MALRD1: variants seen among roughly 807,000 people sequenced by gnomAD.
MALRD1 encodes the protein MAM and LDL receptor class A domain containing 1, also known as MAM and LDL-receptor class A domain-containing protein 1.
Under a neutral mutation model 242.1 loss-of-function variants are expected in MALRD1, and 247 were observed. The observed-to-expected ratio is 1.02, with a 90% CI of 0.92 to 1.13. The LOEUF (loss-of-function observed/expected upper bound fraction) is 1.13. MALRD1 is among the 50% of genes most tolerant of loss of function. The pLI is 0.00. For missense variants in MALRD1, 2,989 were observed against 2,533.1 expected (o/e 1.18, Z -3.86); for synonymous variants, 995 against 866.6 (o/e 1.15, Z -2.60).
At chr10:19,144,721 A>G (rs1432799383) in intron 10 of MALRD1, among the ~76,000 whole-genome samples, 1 of 152,212 alleles carries the variant, frequency 6.6e-6, no homozygotes, top group Non-Finnish European at 1.5e-5. Flanking sequence ...GGTGTCAGAC[A>G]GGTTCAAAGT....
Position 19,348,463 on chromosome 10 carries a change from TTGAG to T in MALRD1, c.4149+447_4149+450del, listed in dbSNP as rs200877218. ...TAGTTAGAGCCACAAAAAAAAATTG[TTGAG>T]TAAGTCTTCATGAAAAACAAAACAA... On this transcript the variant is annotated intron_variant, in intron 25 of 39. Coordinates refer to ENST00000454679, the MANE Select transcript of MALRD1 (RefSeq NM_001142308.3). Among the ~76,000 whole-genome samples, 266 of 152,156 alleles carry T rather than the reference TTGAG, an allele frequency of 1.7e-3. 1 individual carries two copies. The highest frequency in any genetic ancestry group is 6.1e-3 in the African/African-American group (252 of 41,492).
intron 34 of MALRD1, among the ~76,000 whole-genome samples, chr10:19,597,006 A>C (rs577982439): frequency 1.3e-5 from 2 of 152,276 alleles, no homozygotes; most frequent in African/African-American, 4.8e-5. Flanking sequence ...ATGAAAGAAA[A>C]GAGAGATGAC....
intron 38 of MALRD1, among the ~76,000 whole-genome samples, chr10:19,712,348 C>A (rs529249972): frequency 6.6e-6 from 1 of 152,042 alleles, no homozygotes; most frequent in Non-Finnish European, 1.5e-5. Context: ...CAAGAAAATG[C>A]AGTTTTATTG....
intron 32 of MALRD1, among the ~76,000 whole-genome samples, chr10:19,551,847 T>A (rs1457845158): frequency 6.6e-6 from 1 of 152,150 alleles, no homozygotes; most frequent in African/African-American, 2.4e-5. Flanking sequence ...ATTGAGATAA[T>A]CATGTGGTTT....
At chr10:19,417,883 A>G (rs1031367745) in intron 28 of MALRD1, among the ~76,000 whole-genome samples, 6 of 152,274 alleles carry the variant, frequency 3.9e-5, no homozygotes, top group Admixed American at 1.3e-4. Flanking sequence ...TGTATGGTAT[A>G]GTGAAACCAT....
intron 24 of MALRD1, among the ~76,000 whole-genome samples, chr10:19,335,267 AAAT>A (rs1430813800): frequency 6.6e-6 from 1 of 151,212 alleles, no homozygotes; most frequent in East Asian, 1.9e-4. Context: ...AATTAGTTCC[AAAT>A]AATGCATAGG....
intron 29 of MALRD1, among the ~76,000 whole-genome samples, chr10:19,476,114 G>A (rs1288492422): frequency 6.6e-6 from 1 of 152,128 alleles, no homozygotes; most frequent in East Asian, 1.9e-4. Flanking sequence ...GGGATGATGG[G>A]TCGGAAAAGT....
At chr10:19,315,060 T>C (rs1273898798) in intron 21 of MALRD1, among the ~76,000 whole-genome samples, 1 of 143,596 alleles carries the variant, frequency 7.0e-6, no homozygotes, top group Non-Finnish European at 1.5e-5. Flanking sequence ...ATATAATTTA[T>C]ATAAATATGT....
chr10:19,343,673 G>A (rs976087010), intron 24 of MALRD1, among the ~76,000 whole-genome samples: 17 of 152,166 alleles, frequency 1.1e-4, no homozygotes, highest in African/African-American at 4.1e-4. Flanking sequence ...ATTGTTGTGT[G>A]TATAAATCAC....
intron 26 of MALRD1, among the ~76,000 whole-genome samples, chr10:19,354,879 T>C (rs1260706044): frequency 6.6e-6 from 1 of 152,152 alleles, no homozygotes; most frequent in Non-Finnish European, 1.5e-5. Flanking sequence ...TATGTACAGC[T>C]ATTGTGTATC....
chr10:19,449,651 G>A (rs1021978382), intron 28 of MALRD1, among the ~76,000 whole-genome samples: 1 of 152,054 alleles, frequency 6.6e-6, no homozygotes, highest in Admixed American at 6.5e-5. Context: ...CATATATACA[G>A]ACCCGGTGGT....
At chr10:19,573,117 G>A (rs1301184963) in intron 33 of MALRD1, among the ~76,000 whole-genome samples, 1 of 152,186 alleles carries the variant, frequency 6.6e-6, no homozygotes, top group East Asian at 1.9e-4. Flanking sequence ...CTTGTTTGCT[G>A]TCTGGGAAGG....
chr10:19,713,187 G>A (rs1183557061), intron 38 of MALRD1, among the ~76,000 whole-genome samples: 1 of 151,750 alleles, frequency 6.6e-6, no homozygotes, highest in Non-Finnish European at 1.5e-5. Flanking sequence ...AAAGAAACAG[G>A]AAATAAAAAG....
At chr10:19,472,742 G>A (rs1188662809) in intron 29 of MALRD1, among the ~76,000 whole-genome samples, 3 of 151,544 alleles carry the variant, frequency 2.0e-5, no homozygotes, top group Non-Finnish European at 4.4e-5. Context: ...GGTAACAGTG[G>A]TAATGTCATT....
At chr10:19,465,467 T>C (rs1438247347) in intron 29 of MALRD1, among the ~76,000 whole-genome samples, 3 of 152,186 alleles carry the variant, frequency 2.0e-5, no homozygotes, top group Non-Finnish European at 4.4e-5. Context: ...AACCCCATGT[T>C]CTTAGGGCTG....
chr10:19,245,680 A>G (rs908770425), intron 18 of MALRD1, among the ~76,000 whole-genome samples: 1 of 152,198 alleles, frequency 6.6e-6, no homozygotes, highest in Non-Finnish European at 1.5e-5. Context: ...CCTAATTATC[A>G]GAAAAACCTA....
chr10:19,615,516 C>CAAAAAAAAAAAAAAAAAAAAAAAAAAA (rs530920512), intron 35 of MALRD1, among the ~76,000 whole-genome samples: 1 of 37,244 alleles, frequency 2.7e-5, no homozygotes, highest in Non-Finnish European at 4.4e-5. Context: ...GACCCTGCCT[C>CAAAAAAAAAAAAAAAAAAAAAAAAAAA]AAAAAAAAAA....
intron 34 of MALRD1, among the ~76,000 whole-genome samples, chr10:19,607,470 A>G (rs550251880): frequency 1.3e-5 from 2 of 152,154 alleles, no homozygotes; most frequent in East Asian, 1.9e-4. Flanking sequence ...TAAAGCTCCT[A>G]TCTGTAAATA....
chr10:19,282,741 T>G (rs1423181471), intron 20 of MALRD1, among the ~76,000 whole-genome samples: 1 of 152,206 alleles, frequency 6.6e-6, no homozygotes, highest in African/African-American at 2.4e-5. Flanking sequence ...CTTAAATTGC[T>G]GCTTTAGAAG....
Sources: gnomAD v4.1 joint callset for allele counts (sites outside exome capture counted in the v4.1 genomes callset) on GRCh38, gnomAD v4.1.1 for gene constraint, MANE v1.5 for transcripts, NCBI Gene and HGNC (gene_info 2026-07-23, HGNC 2026-07-21) for gene names.